Variants in FAM110B observed in about 807,000 individuals in gnomAD.
FAM110B encodes the protein protein FAM110B.
In FAM110B, 6 loss-of-function variants were observed where a neutral mutation model predicts 20.4. The ratio of observed to expected loss-of-function variants is 0.29; its 90% CI spans 0.16 to 0.58. The LOEUF is 0.58. FAM110B is among the 20% of genes least tolerant of loss of function. The pLI, the probability that FAM110B is intolerant of heterozygous loss-of-function variation, is 0.90. For missense variants in FAM110B, 434 were observed against 498.2 expected (o/e 0.87, Z 1.23); for synonymous variants, 226 against 214.1 (o/e 1.06, Z -0.49).
chr8:58,004,377 C>G (rs1254065099), intron 1 of FAM110B, among the ~76,000 whole-genome samples: 1 of 152,236 alleles, frequency 6.6e-6, no homozygotes, highest in Non-Finnish European at 1.5e-5. Flanking sequence ...TTCTAGATAA[C>G]TTGTGCAGCT....
At chr8:58,106,703 A>C (rs1353681496) in intron 3 of FAM110B, among the ~76,000 whole-genome samples, 2 of 152,212 alleles carry the variant, frequency 1.3e-5, no homozygotes, top group Admixed American at 1.3e-4. Context: ...CAAAGGATAA[A>C]ATGTTGGAAG....
intron 3 of FAM110B, among the ~76,000 whole-genome samples, chr8:58,116,839 G>A (rs1446056447): frequency 6.6e-6 from 1 of 152,124 alleles, no homozygotes; most frequent in Non-Finnish European, 1.5e-5. Context: ...TTCCATTTAA[G>A]GCTTATAATT....
In FAM110B at chr8:58,025,331, CAG is replaced by C. The variant is rs199513611; in HGVS notation, c.-511-6274_-511-6273del. ...AAGTCTCCAGACTCACAGCAGGAGA[CAG>C]GGGTATTATTTCAGACAGTGGGTAG... On this transcript the variant is annotated intron_variant, in intron 1 of 3. Transcript: ENST00000519262. 2.1e-3 allele frequency among the ~76,000 whole-genome samples: 314 copies of C among 149,750 alleles called. 10 individuals carry two copies. The East Asian group carries it at 0.045, about 21-fold the overall frequency.
intron 3 of FAM110B, among the ~76,000 whole-genome samples, chr8:58,132,781 A>G (rs1004368974): frequency 6.6e-6 from 1 of 152,246 alleles, no homozygotes; most frequent in African/African-American, 2.4e-5. Context: ...ACCAAATATC[A>G]GCAACTACCT....
chr8:57,999,177 T>C lies in FAM110B; in HGVS notation c.-512+4371T>C, dbSNP rs149688144. ...CAGTTTTAAACCGGCATTAAATCTA[T>C]GACTTTAAAATTGTAAACACTTTAG... On this transcript the variant is annotated intron_variant, in intron 1 of 3. Transcript: ENST00000519262. 3.3e-3 allele frequency among the ~76,000 whole-genome samples: 499 copies of C among 152,364 alleles called. 3 individuals carry two copies. Among genetic ancestry groups the C allele is most frequent in the Middle Eastern group, 0.014 (4 of 294 alleles).
In FAM110B at chr8:58,147,540, C is replaced by T. The variant is rs961293798; in HGVS notation, c.*197C>T. On this transcript the variant is annotated 3_prime_UTR_variant, in exon 4 of 4. Transcript: ENST00000519262. ...TCGCTACAGAGCCTGGCTGAACACG[C>T]GTCATCTGCCAAAAGTTTCAGGCCA... 1 of 642,580 alleles carries T rather than the reference C, an allele frequency of 1.6e-6. No homozygotes were observed. The highest frequency in any genetic ancestry group is 1.8e-5 in the African/African-American group (1 of 54,642). 39.8% of individuals were successfully genotyped at this position (642,580 alleles called of 1,614,324 possible).
At chr8:58,124,654 T>A (rs1217215528) in intron 3 of FAM110B, among the ~76,000 whole-genome samples, 2 of 152,224 alleles carry the variant, frequency 1.3e-5, no homozygotes, top group Non-Finnish European at 2.9e-5. Flanking sequence ...CCACCCTGTT[T>A]GCATCACTGA....
chr8:58,067,563 T>C (rs1454998443), intron 2 of FAM110B, among the ~76,000 whole-genome samples: 1 of 152,212 alleles, frequency 6.6e-6, no homozygotes, highest in Non-Finnish European at 1.5e-5. Flanking sequence ...GCAAACCTGC[T>C]TCAGACTTAG....
intron 1 of FAM110B, among the ~76,000 whole-genome samples, chr8:57,996,827 A>G (rs1003710900): frequency 2.0e-5 from 3 of 152,248 alleles, no homozygotes; most frequent in Non-Finnish European, 4.4e-5. Flanking sequence ...TCTACTGTAT[A>G]TACAACAACC....
rs527416360 is a variant in FAM110B, at chr8:58,122,205, G to C, written c.-324-23702G>C. The stretch of plus-strand genomic sequence containing the variant: ...CTCTTTTTAAGTACAGCACCATTTT[G>C]GTTCCTGAATGTGCCCAGATTTTTC... On this transcript the variant is annotated intron_variant, in intron 3 of 3. Coordinates refer to ENST00000519262, the MANE Select transcript of FAM110B (RefSeq NM_001377989.1). Among the ~76,000 whole-genome samples the C allele has an allele frequency of 3.3e-5, 5 of 152,114 alleles. No individual in the cohort carries two copies. The East Asian group carries it at 9.7e-4, about 29-fold the overall frequency.
At chr8:57,998,028 G>GGAA (rs2150560663) in intron 1 of FAM110B, among the ~76,000 whole-genome samples, 1 of 152,306 alleles carries the variant, frequency 6.6e-6, no homozygotes, top group Non-Finnish European at 1.5e-5. Flanking sequence ...TTCAGTTGCT[G>GGAA]GAAGTGTTTG....
intron 1 of FAM110B, among the ~76,000 whole-genome samples, chr8:58,019,333 T>C (rs1278697420): frequency 6.8e-5 from 2 of 29,564 alleles, no homozygotes; most frequent in Admixed American, 4.4e-4. Flanking sequence ...TGAGACTCTG[T>C]CTCAAAAAAA....
chr8:58,122,861 A>G (rs1807397362), intron 3 of FAM110B, among the ~76,000 whole-genome samples: 1 of 152,208 alleles, frequency 6.6e-6, no homozygotes, highest in Admixed American at 6.5e-5. Flanking sequence ...GCGGAATCTC[A>G]GCGTGGAGGT....
rs1803877662 is a variant in FAM110B at position 58,146,779 on chromosome 8, G to A, written c.549G>A (p.Arg183=). ...AGGAGGGCGGCTCCCACGTGGGCAG[G>A]AGACTGCTGGAGCAGTCAGCCGAGT... The part of the protein sequence containing the change: ...SPQEGGSHVG[R]RLLEQSAESF... The change falls in exon 4 of 4, where the codon AGG becomes AGA. Residue 183 remains arginine (R), a synonymous_variant. Transcript: ENST00000519262. The A allele has an allele frequency of 6.2e-7, 1 of 1,610,782 alleles. No homozygotes were observed. The highest frequency in any genetic ancestry group is 1.3e-5 in the African/African-American group (1 of 74,892).
At chr8:58,092,320 T>C (rs1405153788) in intron 3 of FAM110B, among the ~76,000 whole-genome samples, 3 of 152,172 alleles carry the variant, frequency 2.0e-5, no homozygotes, top group Non-Finnish European at 4.4e-5. Flanking sequence ...TAGGTACACA[T>C]GTGCCATGGT....
chr8:58,035,814 A>G (rs1361058851), intron 2 of FAM110B, among the ~76,000 whole-genome samples: 1 of 152,174 alleles, frequency 6.6e-6, no homozygotes, highest in Non-Finnish European at 1.5e-5. Flanking sequence ...TCTTTGCTCT[A>G]TGCTAAGTTT....
At chr8:58,049,965 CTT>C (rs1256864243) in intron 2 of FAM110B, among the ~76,000 whole-genome samples, 2 of 152,110 alleles carry the variant, frequency 1.3e-5, no homozygotes, top group Non-Finnish European at 2.9e-5. Context: ...AAGATGAACA[CTT>C]TTCCTAATAT....
At chr8:58,051,551 T>G (rs922634279) in intron 2 of FAM110B, among the ~76,000 whole-genome samples, 19 of 152,332 alleles carry the variant, frequency 1.2e-4, no homozygotes, top group Admixed American at 7.8e-4. Context: ...TGTGAACACC[T>G]GGGTAGCCTA....
chr8:58,083,826 G>T (rs73682134), intron 3 of FAM110B, among the ~76,000 whole-genome samples: 3,051 of 152,276 alleles, frequency 0.02, 52 homozygotes, highest in South Asian at 0.082. Flanking sequence ...TGACATTCTT[G>T]TAAAGGGATA....
Sources: allele counts gnomAD v4.1 joint callset (sites outside exome capture counted in the v4.1 genomes callset), GRCh38; gene constraint gnomAD v4.1.1; transcripts MANE v1.5; gene names NCBI Gene and HGNC (gene_info 2026-07-23, HGNC 2026-07-21).